ZFC3H1: variants seen among roughly 807,000 people sequenced by gnomAD.
ZFC3H1 encodes zinc finger C3H1-type containing.
ZFC3H1 carries 71 observed loss-of-function variants against 243.7 expected under a neutral mutation model. The ratio of observed to expected loss-of-function variants is 0.29; its 90% CI spans 0.24 to 0.36. The LOEUF is 0.36. ZFC3H1 is among the 10% of genes least tolerant of loss of function. The pLI is 1.00. For missense variants in ZFC3H1, 1,966 were observed against 2,317.1 expected (o/e 0.85, Z 3.11); for synonymous variants, 838 against 813.0 (o/e 1.03, Z -0.52).
chr12:71,651,385 T>C (rs75495527), intron 2 of ZFC3H1, among the ~76,000 whole-genome samples: 8,863 of 152,314 alleles, frequency 0.058, 362 homozygotes, highest in South Asian at 0.087. Flanking sequence ...GCTATACTTT[T>C]TCTCTTTCAT....
chr12:71,636,547 A>C lies in ZFC3H1; in HGVS notation c.2043T>G (p.Pro681=). ...TGTGAAACTTTGGATTCTGTATCCT[A>C]GGCTGAGACACTGTGTTAATACTGA... is the stretch of plus-strand genomic sequence containing the variant. ...SIVSINTVSQ[P]RIQNPKFHRG... Residue 681 remains proline (P), a synonymous_variant, in exon 9 of 35, where the codon CCT becomes CCG. Transcript: ENST00000378743. 1 of 1,613,142 alleles carries C rather than the reference A, an allele frequency of 6.2e-7. No individual in the cohort carries two copies. Among genetic ancestry groups the C allele is most frequent in the Non-Finnish European group, 8.5e-7 (1 of 1,179,494 alleles).
At chr12:71,645,682 T>C (rs1880711907) in intron 3 of ZFC3H1, among the ~76,000 whole-genome samples, 1 of 152,378 alleles carries the variant, frequency 6.6e-6, no homozygotes, top group African/African-American at 2.4e-5. Flanking sequence ...GAATATTTTA[T>C]ATATTTTGAA....
chr12:71,654,064 C>T (rs529703709), intron 2 of ZFC3H1, among the ~76,000 whole-genome samples: 1 of 152,016 alleles, frequency 6.6e-6, no homozygotes, highest in Admixed American at 6.6e-5. Context: ...ATTCTAAACC[C>T]AGGGAAAATA....
intron 24 of ZFC3H1, 129 bp downstream of exon 24, chr12:71,623,231 C>A: frequency 1.2e-6 from 1 of 801,574 alleles, no homozygotes; most frequent in Non-Finnish European, 1.8e-6. Context: ...AATTGTGAAA[C>A]TAAAACTTGC....
chr12:71,635,280 A>G (rs1880431172), intron 10 of ZFC3H1, among the ~76,000 whole-genome samples, 163 bp downstream of exon 10: 1 of 152,202 alleles, frequency 6.6e-6, no homozygotes, highest in African/African-American at 2.4e-5. Flanking sequence ...ACATTGATAC[A>G]TGCTTCATTA....
intron 2 of ZFC3H1, among the ~76,000 whole-genome samples, chr12:71,655,308 A>T (rs1880989435): frequency 6.6e-6 from 1 of 152,162 alleles, no homozygotes; most frequent in East Asian, 1.9e-4. Context: ...GCAGCCTACA[A>T]GTCAATGAAA....
At chr12:71,647,217 T>C (rs1238658385) in intron 3 of ZFC3H1, among the ~76,000 whole-genome samples, 2 of 152,216 alleles carry the variant, frequency 1.3e-5, no homozygotes, top group South Asian at 2.1e-4. Flanking sequence ...GGTTATTGAG[T>C]GCCTGTTATA....
Position 71,614,573 on chromosome 12 carries a change from T to C in ZFC3H1, c.5488A>G (p.Ser1830Gly). 1.9e-6 allele frequency: 3 copies of C among 1,611,592 alleles called. No individual in the cohort carries two copies. The highest frequency in any genetic ancestry group is 8.5e-7 in the Non-Finnish European group (1 of 1,178,940). ...VPARYPIPFS[S>G]ADYWSNYEFH... Reference sequence around the variant, plus strand: ...TCATAGTTGGACCAGTAATCAGCACTGCTAAAAGGAATGGGGTATCGGGCA... The same window carrying C: ...TCATAGTTGGACCAGTAATCAGCACCGCTAAAAGGAATGGGGTATCGGGCA... Residue 1830 changes from serine (S) to glycine (G), a missense_variant, in exon 30 of 35, where the codon AGT (serine) becomes GGT (glycine). Around this residue, in one of 4 missense-constraint regions of ZFC3H1, gnomAD observed 1,383 missense variants for 1,723.7 expected, o/e 0.80. Coordinates refer to ENST00000378743, the MANE Select transcript of ZFC3H1 (RefSeq NM_144982.5).
chr12:71,637,977 G>C lies in ZFC3H1; in HGVS notation c.1725+441C>G, dbSNP rs145163320. Reference sequence around the variant, plus strand: ...GGGGGGAAAAGAAATTAACTTCATAGAAAATGCTTTTCTTTTGCTGGATTT... The same window carrying C: ...GGGGGGAAAAGAAATTAACTTCATACAAAATGCTTTTCTTTTGCTGGATTT... On this transcript the variant is annotated intron_variant, in intron 7 of 34. Transcript: ENST00000378743. Among the ~76,000 whole-genome samples, 304 of 151,964 alleles carry C rather than the reference G, an allele frequency of 2.0e-3. 1 individual carries two copies. Among genetic ancestry groups the C allele is most frequent in the South Asian group, 3.7e-3 (18 of 4,824 alleles).
chr12:71,613,239 A>C (rs1401223684), intron 31 of ZFC3H1, 96 bp downstream of exon 31: 6 of 842,728 alleles, frequency 7.1e-6, no homozygotes, highest in African/African-American at 1.7e-5. Flanking sequence ...ACATAGTGGA[A>C]CAACAGACTA....
chr12:71,612,142 A>C (rs1879788552), intron 31 of ZFC3H1, among the ~76,000 whole-genome samples: 1 of 152,100 alleles, frequency 6.6e-6, no homozygotes, highest in Non-Finnish European at 1.5e-5. Context: ...AGGACATGAA[A>C]GCATTCCCGC....
rs749958085 is a variant in ZFC3H1, at chr12:71,627,949, A to AG, written c.3947-16dup. On this transcript the variant is annotated splice_polypyrimidine_tract_variant and intron_variant, in intron 20 of 34. Coordinates refer to ENST00000378743, the MANE Select transcript of ZFC3H1 (RefSeq NM_144982.5). Reference sequence around the variant, plus strand: ...TGGCTGGAAAGCTATTTAAAAAAAAAGTATTATTAGCTTCACATTTTCTTT... The same window carrying AG: ...TGGCTGGAAAGCTATTTAAAAAAAAAGGTATTATTAGCTTCACATTTTCTTT... 6.2e-7 allele frequency: 1 copy of AG among 1,606,260 alleles called. No individual in the cohort carries two copies. The highest frequency in any genetic ancestry group is 1.7e-4 in the Middle Eastern group (1 of 6,042).
Position 71,663,651 on chromosome 12 carries a change from C to G in ZFC3H1, c.-41G>C, listed in dbSNP as rs762882283. ...TTCCACACAACCTTAGCCCTCCGTC[C>G]GGGGATCCGCCCGACAATTGCCTCG... On this transcript the variant is annotated 5_prime_UTR_variant, in exon 1 of 35. Transcript: ENST00000378743. 14 of 1,575,000 alleles carry G rather than the reference C, an allele frequency of 8.9e-6. No individual in the cohort carries two copies. In the East Asian group the frequency reaches 3.1e-4, roughly 35 times the overall value.
intron 2 of ZFC3H1, among the ~76,000 whole-genome samples, chr12:71,649,515 T>C (rs1313326193): frequency 1.3e-5 from 2 of 152,242 alleles, no homozygotes; most frequent in Non-Finnish European, 2.9e-5. Flanking sequence ...TCCTATCTTT[T>C]TTTTATATGC....
In ZFC3H1 at chr12:71,630,755, T is replaced by C. The variant is rs778368043; in HGVS notation, c.3603-34A>G. 1.8e-5 allele frequency: 29 copies of C among 1,609,860 alleles called. No individual in the cohort carries two copies. In the Middle Eastern group the frequency reaches 6.6e-4, roughly 37 times the overall value. ...AAAAAAAACACAGAAAAGATAATCATGTACATATCAAAGTTAAGCAAACAA... is the reference window on the plus strand; with the variant it reads ...AAAAAAAACACAGAAAAGATAATCACGTACATATCAAAGTTAAGCAAACAA... On this transcript the variant is annotated intron_variant, in intron 17 of 34. Coordinates refer to ENST00000378743, the MANE Select transcript of ZFC3H1 (RefSeq NM_144982.5).
At position 71,629,214 on chromosome 12, in the gene ZFC3H1, T is replaced by C. The variant is rs1280748; in HGVS notation, c.3827-177A>G. Among the ~76,000 whole-genome samples, 5 of 151,450 alleles carry C rather than the reference T, an allele frequency of 3.3e-5. No homozygotes were observed. In the East Asian group the frequency reaches 7.8e-4, roughly 24 times the overall value. ...CTCTGTCACCCAGGCTGGAGTGCAG[T>C]GAGTGCAGTGGCGCGATCTCAGCTC... On this transcript the variant is annotated intron_variant, in intron 19 of 34. Transcript: ENST00000378743.
Position 71,663,571 on chromosome 12 carries a change from G to A in ZFC3H1, c.40C>T (p.Leu14Phe). The part of the protein sequence containing the change: ...ADTPAPASSG[L>F]SPKEEGELED... ...AGCTCCCCTTCTTCCTTCGGCGAGA[G>A]GCCACTGGAGGCCGGGGCCGGAGTA... The change falls in exon 1 of 35, where the codon CTC (leucine) becomes TTC (phenylalanine). Residue 14 changes from leucine (L) to phenylalanine (F), a missense_variant. Physicochemically the swap from Leu to Phe is conservative, Grantham distance 22 (BLOSUM62 0). Around this residue, in one of 4 missense-constraint regions of ZFC3H1, gnomAD observed 484 missense variants for 449.7 expected, o/e 1.08. Coordinates refer to ENST00000378743, the MANE Select transcript of ZFC3H1 (RefSeq NM_144982.5). The A allele has an allele frequency of 2.5e-6, 4 of 1,612,532 alleles. No homozygotes were observed. Among genetic ancestry groups the A allele is most frequent in the South Asian group, 1.1e-5 (1 of 91,090 alleles).
chr12:71,636,818 G>C lies in ZFC3H1; in HGVS notation c.1935+32C>G, dbSNP rs765689066. 8.4e-5 allele frequency: 135 copies of C among 1,607,514 alleles called. No homozygotes were observed. The South Asian group carries it at 1.1e-3, about 14-fold the overall frequency. ...GACTACCGTAAAGCTAAGCTCAAGA[G>C]CACCACCTAGAGGTTTAGGTACCTA... On this transcript the variant is annotated intron_variant, in intron 8 of 34. Coordinates refer to ENST00000378743, the MANE Select transcript of ZFC3H1 (RefSeq NM_144982.5).
intron 24 of ZFC3H1, among the ~76,000 whole-genome samples, chr12:71,621,308 CTT>C (rs71068781): frequency 5.3e-4 from 77 of 145,116 alleles, no homozygotes; most frequent in Middle Eastern, 3.5e-3. Context: ...ACTTCCTTTT[CTT>C]TTTTTTTTTT....
Sources: gnomAD v4.1 joint callset for allele counts (sites outside exome capture counted in the v4.1 genomes callset) on GRCh38, gnomAD v4.1.1 for gene constraint, gnomAD v4.1.1 regional missense constraint, MANE v1.5 for transcripts, NCBI Gene and HGNC (gene_info 2026-07-23, HGNC 2026-07-21) for gene names.